CERT1: variants seen among roughly 807,000 people sequenced by gnomAD.
CERT1 encodes ceramide transfer protein.
In CERT1, 31 loss-of-function variants were observed where a neutral mutation model predicts 87.9. The ratio of observed to expected loss-of-function variants is 0.35; its 90% CI spans 0.27 to 0.48. The LOEUF (loss-of-function observed/expected upper bound fraction) is 0.48. CERT1 is among the 20% of genes least tolerant of loss of function. The pLI, the probability that CERT1 is intolerant of heterozygous loss-of-function variation, is 0.99. For synonymous variants in CERT1, 289 were observed against 250.9 expected (o/e 1.15, Z -1.44); for missense variants, 487 against 758.0 (o/e 0.64, Z 4.20).
chr5:75,380,448 A>G (rs1278961575), intron 16 of CERT1, among the ~76,000 whole-genome samples: 1 of 152,158 alleles, frequency 6.6e-6, no homozygotes, highest in Non-Finnish European at 1.5e-5. Context: ...TATATTCCTA[A>G]TAATAAATCT....
chr5:75,481,448 C>T (rs891702317), intron 2 of CERT1, among the ~76,000 whole-genome samples: 21 of 151,804 alleles, frequency 1.4e-4, no homozygotes, highest in African/African-American at 3.4e-4. Flanking sequence ...AATTAAAATA[C>T]GGTAATATTT....
At position 75,511,576 on chromosome 5, in the gene CERT1, G is replaced by A. The variant is rs929698824; in HGVS notation, c.-369C>T. ...AGAGAAAATCCGGCCGCTGAGTCCC[G>A]CGTCCACTCACACCTCCGCTACCGC... is the stretch of plus-strand genomic sequence containing the variant. On this transcript the variant is annotated 5_prime_UTR_variant, in exon 1 of 17. Coordinates refer to ENST00000643780, the MANE Select transcript of CERT1 (RefSeq NM_001379029.1). The A allele has an allele frequency of 4.1e-6, 6 of 1,461,130 alleles. No homozygotes were observed. The East Asian group carries it at 1.5e-4, about 36-fold the overall frequency. The allele number at this position is 1,461,130 out of a possible 1,614,324, so 90.5% of individuals were successfully genotyped here. A position where few individuals can be genotyped will look rare whatever the true frequency, so the allele number is the denominator to read the frequency against.
rs1554034745 is a variant in CERT1, at chr5:75,388,638, A to ATC, written c.1284+953_1284+954insGA. On this transcript the variant is annotated intron_variant, in intron 12 of 16. Transcript: ENST00000643780. ...TATATATATATATATATATATATAT[A>ATC]TATCTCACACAGGGTCTCACTTTGT... Among the ~76,000 whole-genome samples the ATC allele has an allele frequency of 3.6e-4, 39 of 107,570 alleles. 1 individual carries two copies. The highest frequency in any genetic ancestry group is 1.0e-3 in the African/African-American group (29 of 27,892). 70.6% of individuals were successfully genotyped at this position (107,570 alleles called of 152,430 possible). A position where few individuals can be genotyped will look rare whatever the true frequency, so the allele number is the denominator to read the frequency against.
chr5:75,457,767 G>GGT (rs148564811), intron 3 of CERT1, among the ~76,000 whole-genome samples: 11 of 150,962 alleles, frequency 7.3e-5, no homozygotes, highest in Admixed American at 2.0e-4. Context: ...TGGGTGTAGG[G>GGT]GTGTGTGTGT....
chr5:75,479,698 A>G (rs972699378), intron 2 of CERT1, among the ~76,000 whole-genome samples: 1 of 152,132 alleles, frequency 6.6e-6, no homozygotes, highest in Non-Finnish European at 1.5e-5. Flanking sequence ...ACTGATGGAC[A>G]TTTAGGTTGA....
intron 2 of CERT1, among the ~76,000 whole-genome samples, chr5:75,487,156 C>G (rs952042080): frequency 1.3e-5 from 2 of 151,944 alleles, no homozygotes. Context: ...TGAAACAGAA[C>G]AGAGCTCAGA....
rs1005347495 is a variant in CERT1 at position 75,511,618 on chromosome 5, G to T, written c.-411C>A. ...CGCTACCGCCGCCATCTTCCTGCCT[G>T]GCCCACTATTTACCCTCCCCTCCCC... On this transcript the variant is annotated 5_prime_UTR_variant, in exon 1 of 17. Coordinates refer to ENST00000643780, the MANE Select transcript of CERT1 (RefSeq NM_001379029.1). 6.8e-7 allele frequency: 1 copy of T among 1,475,260 alleles called. No individual in the cohort carries two copies. The highest frequency in any genetic ancestry group is 9.0e-7 in the Non-Finnish European group (1 of 1,111,680). The allele number at this position is 1,475,260 out of a possible 1,614,324, so 91.4% of individuals were successfully genotyped here.
chr5:75,499,329 T>G (rs1415343510), intron 2 of CERT1, among the ~76,000 whole-genome samples: 1 of 152,202 alleles, frequency 6.6e-6, no homozygotes, highest in East Asian at 1.9e-4. Context: ...TGATACAGTT[T>G]GGCTGTGTCC....
chr5:75,404,995 G>A (rs765101366), intron 8 of CERT1, among the ~76,000 whole-genome samples: 4 of 151,888 alleles, frequency 2.6e-5, no homozygotes, highest in East Asian at 1.9e-4. Flanking sequence ...CAGCCTGGGT[G>A]GTAGAGCAAG....
chr5:75,403,120 C>T, intron 8 of CERT1, 62 bp from the exon 9 acceptor site: 1 of 1,089,736 alleles, frequency 9.2e-7, no homozygotes, highest in Non-Finnish European at 1.4e-6. Context: ...ACTCTGATAA[C>T]TCTGGTATTA....
chr5:75,376,950 A>G (rs954059570), downstream of CERT1: 2 of 152,204 alleles, frequency 1.3e-5, no homozygotes, highest in African/African-American at 2.4e-5. Flanking sequence ...ATTTTTAGCT[A>G]AAGAAAAGGA....
At chr5:75,397,730 C>T (rs1169907013) in intron 11 of CERT1, among the ~76,000 whole-genome samples, 1 of 152,140 alleles carries the variant, frequency 6.6e-6, no homozygotes, top group Non-Finnish European at 1.5e-5. Flanking sequence ...TTTTTAAAAA[C>T]ATACGCAGGG....
intron 9 of CERT1, 180 bp downstream of exon 9, chr5:75,402,790 ACT>A: frequency 8.9e-6 from 4 of 448,458 alleles, no homozygotes; most frequent in East Asian, 3.9e-5. Context: ...ACAGAGCGAG[ACT>A]CTGTCTCAAA....
At chr5:75,462,264 G>A (rs948569778) in intron 2 of CERT1, among the ~76,000 whole-genome samples, 3 of 152,184 alleles carry the variant, frequency 2.0e-5, no homozygotes, top group Admixed American at 2.0e-4. Context: ...CAAACTTTTT[G>A]GGACCAGGGA....
At chr5:75,477,611 A>C (rs918124274) in intron 2 of CERT1, among the ~76,000 whole-genome samples, 9 of 145,764 alleles carry the variant, frequency 6.2e-5, no homozygotes, top group Non-Finnish European at 7.5e-5. Context: ...AGTTCATAGA[A>C]GGTCACTTCA....
At chr5:75,446,441 T>A (rs1764539653) in intron 3 of CERT1, among the ~76,000 whole-genome samples, 1 of 152,208 alleles carries the variant, frequency 6.6e-6, no homozygotes, top group South Asian at 2.1e-4. Context: ...TATTTGAGTA[T>A]CATTAAGGTA....
At chr5:75,369,870 G>A (rs1026172630) in intron 17 of CERT1, 2 of 152,334 alleles carry the variant, frequency 1.3e-5, no homozygotes, top group Non-Finnish European at 1.5e-5. Context: ...GCTATTCAAA[G>A]TATACAGATG....
chr5:75,392,247 G>A (rs116474207), intron 11 of CERT1, among the ~76,000 whole-genome samples: 10 of 152,260 alleles, frequency 6.6e-5, no homozygotes, highest in African/African-American at 2.4e-4. Flanking sequence ...CCACGAGGGA[G>A]GCCCAGGTTC....
chr5:75,426,380 A>C lies in CERT1; in HGVS notation c.447T>G (p.Ser149=). 1 of 1,610,892 alleles carries C rather than the reference A, an allele frequency of 6.2e-7. No homozygotes were observed. The change falls in exon 4 of 17, where the codon TCT becomes TCG. Residue 149 remains serine (S), a synonymous_variant. Transcript: ENST00000643780. ...GASGYSATST[S]SFKKGHSLRE... ...TCCATTAACTACACACCTTGAATGA[A>C]GAGGTGGATGTTGCAGAGTAGCCAC... is the stretch of plus-strand genomic sequence containing the variant.
Sources: allele counts gnomAD v4.1 joint callset (sites outside exome capture counted in the v4.1 genomes callset), GRCh38; gene constraint gnomAD v4.1.1; transcripts MANE v1.5; gene names NCBI Gene and HGNC (gene_info 2026-07-23, HGNC 2026-07-21).